STX8: variants seen among roughly 807,000 people sequenced by gnomAD.
STX8 encodes the protein syntaxin 8.
Under a neutral mutation model 37.5 loss-of-function variants are expected in STX8, and 23 were observed. The observed-to-expected ratio is 0.61, with a 90% confidence interval of 0.44 to 0.87. The LOEUF is 0.87. Among genes scored for constraint, STX8 ranks in the 40% least tolerant of loss-of-function variants. The pLI is 0.00. For missense variants in STX8, 313 were observed against 284.7 expected, an observed-to-expected ratio of 1.10 and a Z score of -0.71; for synonymous variants, 115 against 99.1, an observed-to-expected ratio of 1.16 and a Z score of -0.95.
In STX8 at chr17:9,568,457, C is replaced by T. The variant is rs755945693; in HGVS notation, c.31G>A (p.Asp11Asn). The T allele has an allele frequency of 5.6e-6, 9 of 1,612,250 alleles. No individual in the cohort carries two copies. Among genetic ancestry groups the T allele is most frequent in the South Asian group, 2.2e-5 (2 of 90,934 alleles). MAPDPWFSTYDSTCQIAQEIA... is the reference protein window; with the variant it reads MAPDPWFSTYNSTCQIAQEIA... ...TCTTGGGCAATTTGACAAGTAGAAT[C>T]GTATGTGGAGAACCTGCACCAAAGT... The change falls in exon 2 of 8, where the codon GAT becomes AAT. Residue 11 changes from aspartate to asparagine, a missense_variant. Coordinates refer to ENST00000306357, the MANE Select transcript of STX8 (RefSeq NM_004853.3).
chr17:9,438,296 T>C (rs1904512491), intron 6 of STX8, among the ~76,000 whole-genome samples: 1 of 147,228 alleles, frequency 6.8e-6, no homozygotes, highest in South Asian at 2.2e-4. Flanking sequence ...TCATCTCTCC[T>C]CTACAACACA....
rs1597678684 is a variant in STX8, at chr17:9,448,195, A to T, written c.541+43634T>A. Among the ~76,000 whole-genome samples the T allele has an allele frequency of 4.1e-5, 6 of 147,664 alleles. 1 individual carries two copies. In the South Asian group the frequency reaches 1.3e-3, roughly 32 times the overall value. Reference sequence around the variant, plus strand: ...ATCTCAAAAAAAAAAAAAAAGTTTGATCCTCATTATTCATGGATTGCATAT... The same window carrying T: ...ATCTCAAAAAAAAAAAAAAAGTTTGTTCCTCATTATTCATGGATTGCATAT... On this transcript the variant is annotated intron_variant, in intron 6 of 7. Coordinates refer to ENST00000306357, the MANE Select transcript of STX8 (RefSeq NM_004853.3).
intron 7 of STX8, among the ~76,000 whole-genome samples, chr17:9,350,746 T>C (rs1274346536): frequency 6.6e-6 from 1 of 152,212 alleles, no homozygotes; most frequent in Non-Finnish European, 1.5e-5. Flanking sequence ...TTGGCCAGGC[T>C]GGTCTCGAAT....
At chr17:9,516,209 T>C (rs1217803361) in intron 4 of STX8, among the ~76,000 whole-genome samples, 5 of 150,048 alleles carry the variant, frequency 3.3e-5, no homozygotes, top group Non-Finnish European at 7.4e-5. Flanking sequence ...TGAGCCCTAG[T>C]GCATGCTTTT....
At chr17:9,535,220 A>T (rs1211681313) in intron 4 of STX8, among the ~76,000 whole-genome samples, 4 of 151,934 alleles carry the variant, frequency 2.6e-5, no homozygotes, top group Admixed American at 1.3e-4. Context: ...CTCTACTAAG[A>T]TATTACTATA....
At chr17:9,556,965 C>G (rs79026927) in intron 3 of STX8, 5,121 of 153,770 alleles carry the variant, frequency 0.033, 301 homozygotes, top group African/African-American at 0.12. Flanking sequence ...TACATAAACA[C>G]GGGGCAGGTG....
intron 4 of STX8, among the ~76,000 whole-genome samples, chr17:9,516,298 CATATATATATATATATATATAT>C (rs150682084): frequency 0.012 from 599 of 51,762 alleles, 34 homozygotes; most frequent in African/African-American, 0.03. Flanking sequence ...GAACCACAGT[CATATATATATATATATATATAT>C]ATATATATAT....
In STX8 at chr17:9,507,852, C is replaced by T. The variant is rs973003599; in HGVS notation, c.324-2690G>A. On this transcript the variant is annotated intron_variant, in intron 4 of 7. Coordinates refer to ENST00000306357, the MANE Select transcript of STX8 (RefSeq NM_004853.3). This position sits in a 1 kb window ranked among gnomAD's most constrained non-coding sequence, Gnocchi z 4.0. Reference sequence around the variant, plus strand: ...TTAAAGAAACTACACAAAAACTACACTACTATGCCCACCTGGAACCAAAGC... The same window carrying T: ...TTAAAGAAACTACACAAAAACTACATTACTATGCCCACCTGGAACCAAAGC... Among the ~76,000 whole-genome samples the T allele has an allele frequency of 6.6e-6, 1 of 152,160 alleles. No individual in the cohort carries two copies. Among genetic ancestry groups the T allele is most frequent in the African/African-American group, 2.4e-5 (1 of 41,444 alleles).
At chr17:9,573,524 A>G (rs529980529) in intron 1 of STX8, among the ~76,000 whole-genome samples, 2 of 152,294 alleles carry the variant, frequency 1.3e-5, no homozygotes, top group East Asian at 3.9e-4. Context: ...TTCATGTATT[A>G]TTCTCCCTAA....
At chr17:9,280,853 A>G (rs1433221400) in intron 7 of STX8, among the ~76,000 whole-genome samples, 2 of 152,250 alleles carry the variant, frequency 1.3e-5, no homozygotes, top group African/African-American at 4.8e-5. Context: ...ACTAAGGCTT[A>G]GACAGGTTAA....
chr17:9,347,771 C>T (rs1368512585), intron 7 of STX8, among the ~76,000 whole-genome samples: 1 of 152,204 alleles, frequency 6.6e-6, no homozygotes, highest in Non-Finnish European at 1.5e-5. Flanking sequence ...AAACCTCATA[C>T]CCATTAAGCA....
rs1904864906 is a variant in STX8 at position 9,507,054 on chromosome 17, G to A, written c.324-1892C>T. On this transcript the variant is annotated intron_variant, in intron 4 of 7. Transcript: ENST00000306357. The surrounding 1 kb of genome is among the most constrained non-coding windows in gnomAD (Gnocchi z 4.0). ...AGCCACAGAAACAGTCCCACCCAGG[G>A]CAAACCCACTCTTGAGCCAACCAAA... 6.6e-6 allele frequency among the ~76,000 whole-genome samples: 1 copy of A among 151,818 alleles called. No homozygotes were observed. Among genetic ancestry groups the A allele is most frequent in the African/African-American group, 2.4e-5 (1 of 41,302 alleles).
chr17:9,472,020 C>T (rs962263662), intron 6 of STX8, among the ~76,000 whole-genome samples: 3 of 149,188 alleles, frequency 2.0e-5, no homozygotes, highest in African/African-American at 7.4e-5. Flanking sequence ...GTACATACCC[C>T]ACACAGATCA....
chr17:9,552,701 G>A (rs955803332), intron 3 of STX8: 24 of 144,738 alleles, frequency 1.7e-4, no homozygotes, highest in African/African-American at 5.9e-4. Context: ...TGCCCAGACT[G>A]GAGTGCAGTG....
At chr17:9,451,795 A>G (rs1470783475) in intron 6 of STX8, among the ~76,000 whole-genome samples, 1 of 151,454 alleles carries the variant, frequency 6.6e-6, no homozygotes, top group Non-Finnish European at 1.5e-5. Context: ...ATATACAGAG[A>G]GAGAGAGAGA....
rs145071543 is a variant in STX8 at position 9,394,655 on chromosome 17, G to A, written c.542-16002C>T. Among the ~76,000 whole-genome samples the A allele has an allele frequency of 6.7e-4, 101 of 150,988 alleles. 1 individual carries two copies. The East Asian group carries it at 0.018, about 27-fold the overall frequency. Reference sequence around the variant, plus strand: ...GCTGGGATTACAGGCGTGAGCCACCGCGCCTGGCCGAAAAGCTCATATTAT... The same window carrying A: ...GCTGGGATTACAGGCGTGAGCCACCACGCCTGGCCGAAAAGCTCATATTAT... On this transcript the variant is annotated intron_variant, in intron 6 of 7. Coordinates refer to ENST00000306357, the MANE Select transcript of STX8 (RefSeq NM_004853.3).
chr17:9,486,085 G>A (rs990907462), intron 6 of STX8, among the ~76,000 whole-genome samples: 2 of 152,174 alleles, frequency 1.3e-5, no homozygotes, highest in Non-Finnish European at 2.9e-5. Flanking sequence ...GTTCCAGAGA[G>A]AAGGAAATAA....
chr17:9,278,721 C>T (rs1424916154), intron 7 of STX8, among the ~76,000 whole-genome samples: 1 of 151,864 alleles, frequency 6.6e-6, no homozygotes, highest in Non-Finnish European at 1.5e-5. Context: ...GTGATGGTGA[C>T]AGGTTGAGAG....
intron 6 of STX8, among the ~76,000 whole-genome samples, chr17:9,406,226 G>T (rs151085333): frequency 2.0e-5 from 3 of 152,230 alleles, no homozygotes; most frequent in Admixed American, 6.5e-5. Flanking sequence ...TACTTCTTGG[G>T]AGCATTTCCA....
Sources: allele counts gnomAD v4.1 joint callset (sites outside exome capture counted in the v4.1 genomes callset), GRCh38; gene constraint gnomAD v4.1.1; non-coding constraint Gnocchi (gnomAD v3.1); transcripts MANE v1.5; gene names NCBI Gene and HGNC (gene_info 2026-07-23, HGNC 2026-07-21).